The following PROS1 variants were observed in gnomAD, a reference collection of about 807,000 sequenced individuals.
PROS1 encodes vitamin K-dependent protein S.
PROS1 carries 29 observed loss-of-function variants against 75.9 expected under a neutral mutation model. The observed-to-expected ratio is 0.38, with a 90% CI of 0.28 to 0.52. PROS1 has a LOEUF of 0.52. PROS1 is among the 20% of genes least tolerant of loss of function. The pLI is 0.83. For missense variants in PROS1, 680 were observed against 810.3 expected (o/e 0.84, Z 1.95); for synonymous variants, 245 against 280.6 (o/e 0.87, Z 1.27).
chr3:93,955,675 T>A (rs1230863091), intron 1 of PROS1, among the ~76,000 whole-genome samples: 1 of 151,136 alleles, frequency 6.6e-6, no homozygotes, highest in African/African-American at 2.4e-5. Context: ...TGTATACATA[T>A]GTAACAAACC....
At chr3:93,934,298 A>AT (rs1709150685) in intron 1 of PROS1, among the ~76,000 whole-genome samples, 2 of 152,300 alleles carry the variant, frequency 1.3e-5, no homozygotes, top group Non-Finnish European at 2.9e-5. Context: ...TACTTCAGTT[A>AT]TTTTTCATAA....
chr3:93,959,712 G>T (rs181406521), intron 1 of PROS1, among the ~76,000 whole-genome samples: 2 of 152,328 alleles, frequency 1.3e-5, no homozygotes, highest in African/African-American at 4.8e-5. Flanking sequence ...TGATGCTGAT[G>T]TTCCACGGAC....
chr3:93,959,072 G>A (rs887570505), intron 1 of PROS1, among the ~76,000 whole-genome samples: 3 of 152,136 alleles, frequency 2.0e-5, no homozygotes, highest in Non-Finnish European at 2.9e-5. Flanking sequence ...GGGTGCAGTG[G>A]CTCACATCTG....
At chr3:93,877,259 G>C in intron 13 of PROS1, 68 bp from the exon 14 acceptor site, 1 of 1,278,556 alleles carries the variant, frequency 7.8e-7, no homozygotes, top group Non-Finnish European at 1.1e-6. Flanking sequence ...AGTGACTTTT[G>C]AGTTTTTGAA....
At chr3:93,904,855 A>G (rs998946298) in intron 6 of PROS1, among the ~76,000 whole-genome samples, 3 of 152,238 alleles carry the variant, frequency 2.0e-5, no homozygotes, top group Non-Finnish European at 2.9e-5. Context: ...AATGAAAAAC[A>G]AAACAAATAC....
chr3:93,884,604 G>T, intron 12 of PROS1, 124 bp downstream of exon 12: 3 of 1,106,230 alleles, frequency 2.7e-6, no homozygotes, highest in Admixed American at 2.4e-5. Flanking sequence ...GTATGAATAA[G>T]CATAAGACTA....
intron 9 of PROS1, among the ~76,000 whole-genome samples, chr3:93,893,849 G>T (rs1295100971): frequency 2.6e-5 from 4 of 152,156 alleles, no homozygotes; most frequent in Non-Finnish European, 4.4e-5. Flanking sequence ...ATGTGTTTGG[G>T]GGGTATCTGA....
Position 93,900,907 on chromosome 3 carries a change from C to G in PROS1, c.624G>C (p.Lys208Asn), listed in dbSNP as rs1207595576. Residue 208 changes from lysine (K) to asparagine (N), a missense_variant, in exon 7 of 15, where the codon AAG becomes AAC. Lys to Asn is a moderately conservative substitution (Grantham distance 94, BLOSUM62 0). Coordinates refer to ENST00000394236, the MANE Select transcript of PROS1 (RefSeq NM_000313.4). ...ACACAGCTGTGCCACAAATGCTTGG[C>G]TTCAAAGAGCATTCATCCACATCTA... ...DCKDVDECSL[K>N]PSICGTAVCK... 6.2e-7 allele frequency: 1 copy of G among 1,613,800 alleles called. No individual in the cohort carries two copies. The highest frequency in any genetic ancestry group is 8.5e-7 in the Non-Finnish European group (1 of 1,179,978).
At position 93,973,697 on chromosome 3, in the gene PROS1, A is replaced by C. The variant is rs1162049144; in HGVS notation, c.53T>G (p.Val18Gly). The C allele has an allele frequency of 6.2e-7, 1 of 1,613,990 alleles. No homozygotes were observed. The highest frequency in any genetic ancestry group is 1.1e-5 in the South Asian group (1 of 91,050). ...CGALLACLLL[V>G]LPVSEANFLS... is the part of the protein sequence containing the mutation. ...ACAGTTTGCCTCTGAGACGGGAAGC[A>C]CTAGGAGGAGACACGCCAGCAGCGC... Residue 18 changes from valine to glycine, a missense_variant, in exon 1 of 15, where the codon GTG becomes GGG. Physicochemically the swap from Val to Gly is moderately radical, Grantham distance 109 (BLOSUM62 -3). Coordinates refer to ENST00000394236, the MANE Select transcript of PROS1 (RefSeq NM_000313.4).
intron 10 of PROS1, among the ~76,000 whole-genome samples, chr3:93,890,657 G>A (rs185189820): frequency 6.6e-6 from 1 of 152,256 alleles, no homozygotes; most frequent in East Asian, 1.9e-4. Flanking sequence ...TGAAATATTG[G>A]GGGCAGGTTT....
intron 1 of PROS1, among the ~76,000 whole-genome samples, chr3:93,952,493 A>G (rs1357538192): frequency 6.6e-6 from 1 of 152,198 alleles, no homozygotes; most frequent in Admixed American, 6.6e-5. Flanking sequence ...GTACATAACA[A>G]AATGAAGGCA....
In PROS1 at chr3:93,874,193, A is replaced by G. The variant is rs978426705; in HGVS notation, c.*52T>C. 5.6e-5 allele frequency: 89 copies of G among 1,596,566 alleles called. No individual in the cohort carries two copies. Among genetic ancestry groups the G allele is most frequent in the African/African-American group, 1.1e-4 (8 of 74,564 alleles). ...AAAACCCTTCAGCTGTTATTGAAAC[A>G]TAAGTATAATTACACACAAGGAAAA... On this transcript the variant is annotated 3_prime_UTR_variant, in exon 15 of 15. Coordinates refer to ENST00000394236, the MANE Select transcript of PROS1 (RefSeq NM_000313.4).
chr3:93,940,424 G>A (rs1211749851), intron 1 of PROS1, among the ~76,000 whole-genome samples: 1 of 152,076 alleles, frequency 6.6e-6, no homozygotes, highest in African/African-American at 2.4e-5. Context: ...CTTTTCAAGG[G>A]CGTGTTTCCC....
At chr3:93,942,085 T>C (rs1329018773) in intron 1 of PROS1, among the ~76,000 whole-genome samples, 1 of 152,140 alleles carries the variant, frequency 6.6e-6, no homozygotes, top group African/African-American at 2.4e-5. Flanking sequence ...TTCCTGTTCC[T>C]CACCCTGATC....
At chr3:93,944,740 A>G (rs942039982) in intron 1 of PROS1, among the ~76,000 whole-genome samples, 8 of 152,156 alleles carry the variant, frequency 5.3e-5, no homozygotes, top group African/African-American at 1.7e-4. Context: ...CATCACAATT[A>G]AAAGAACTAG....
chr3:93,886,934 C>A (rs1161952652), intron 10 of PROS1, among the ~76,000 whole-genome samples: 2 of 135,630 alleles, frequency 1.5e-5, no homozygotes, highest in Non-Finnish European at 1.5e-5. Context: ...TTTTTTGAGA[C>A]GGAGTCTCGC....
intron 3 of PROS1, among the ~76,000 whole-genome samples, chr3:93,915,504 C>T (rs1344907939): frequency 2.0e-5 from 3 of 152,188 alleles, no homozygotes; most frequent in Non-Finnish European, 2.9e-5. Flanking sequence ...TGCAGCCACA[C>T]AGTTCCTTCA....
At chr3:93,971,489 G>C (rs1038905225) in intron 1 of PROS1, among the ~76,000 whole-genome samples, 1 of 151,702 alleles carries the variant, frequency 6.6e-6, no homozygotes, top group Non-Finnish European at 1.5e-5. Context: ...ATGGAGGCTG[G>C]GCACAGTGGC....
chr3:93,878,296 C>T (rs1278016221), intron 13 of PROS1, among the ~76,000 whole-genome samples: 1 of 151,018 alleles, frequency 6.6e-6, no homozygotes, highest in Non-Finnish European at 1.5e-5. Flanking sequence ...AAAACAAAAA[C>T]AAAAAAAAAC....
Sources: allele counts gnomAD v4.1 joint callset (sites outside exome capture counted in the v4.1 genomes callset), GRCh38; gene constraint gnomAD v4.1.1; transcripts MANE v1.5; gene names NCBI Gene and HGNC (gene_info 2026-07-23, HGNC 2026-07-21).